The following TBCK variants were observed in gnomAD, a reference collection of about 807,000 sequenced individuals.
The protein encoded by TBCK is TBC domain-containing protein kinase-like protein.
Under a neutral mutation model 113.4 loss-of-function variants are expected in TBCK, and 99 were observed. The observed-to-expected ratio is 0.87, with a 90% confidence interval of 0.74 to 1.03. The LOEUF (loss-of-function observed/expected upper bound fraction) is 1.03, where lower values mean the gene tolerates loss of function less well. Among genes scored for constraint, TBCK ranks in the 50% least tolerant of loss-of-function variants. The probability of loss-of-function intolerance (pLI) is 0.00; values close to 1 mark genes in which losing one functional copy is unlikely to be tolerated. For missense variants in TBCK, 1,045 were observed against 1,061.3 expected, an observed-to-expected ratio of 0.98 and a Z score of 0.21; for synonymous variants, 369 against 370.8, an observed-to-expected ratio of 1.00 and a Z score of 0.05.
At chr4:106,054,907 G>A (rs557034593) in intron 25 of TBCK, among the ~76,000 whole-genome samples, 5 of 151,488 alleles carry the variant, frequency 3.3e-5, no homozygotes, top group African/African-American at 4.8e-5. Context: ...AGTTGAACAG[G>A]CAAGATGATT....
At chr4:106,074,346 A>G (rs1439441745) in intron 25 of TBCK, among the ~76,000 whole-genome samples, 1 of 152,216 alleles carries the variant, frequency 6.6e-6, no homozygotes, top group Non-Finnish European at 1.5e-5. Context: ...ATCATCATAC[A>G]TAAGATAAAA....
chr4:106,218,063 C>T (rs1235313578), intron 19 of TBCK, among the ~76,000 whole-genome samples: 325 of 144,828 alleles, frequency 2.2e-3, no homozygotes, highest in African/African-American at 8.2e-3. Context: ...GAAATAACGC[C>T]GCATATCTAC....
intron 18 of TBCK, 120 bp from the exon 19 acceptor site, chr4:106,230,566 C>A (rs1758749569): frequency 4.4e-6 from 2 of 454,402 alleles, no homozygotes; most frequent in African/African-American, 2.0e-5. Flanking sequence ...TTATGATAGC[C>A]AAGTGCTAGA....
At chr4:106,117,159 T>C (rs978362168) in intron 23 of TBCK, among the ~76,000 whole-genome samples, 1 of 152,158 alleles carries the variant, frequency 6.6e-6, no homozygotes, top group South Asian at 2.1e-4. Flanking sequence ...GTCAAACATG[T>C]AGAAAGAGAT....
intron 23 of TBCK, among the ~76,000 whole-genome samples, chr4:106,125,582 T>TG (rs1169951358): frequency 5.9e-5 from 9 of 152,166 alleles, no homozygotes; most frequent in African/African-American, 2.2e-4. Context: ...GAGGTCATCA[T>TG]GTTAAGTGAA....
At chr4:106,210,461 T>A (rs1362420804) in intron 20 of TBCK, among the ~76,000 whole-genome samples, 1 of 152,146 alleles carries the variant, frequency 6.6e-6, no homozygotes, top group African/African-American at 2.4e-5. Context: ...AAAACAGTAA[T>A]AGGCTAACTT....
chr4:106,084,382 T>C (rs1739257106), intron 25 of TBCK, among the ~76,000 whole-genome samples: 1 of 151,432 alleles, frequency 6.6e-6, no homozygotes, highest in Admixed American at 6.6e-5. Flanking sequence ...GAGACAAGTA[T>C]AGAGAAAAAA....
At chr4:106,094,407 T>G (rs1740680089) in intron 25 of TBCK, among the ~76,000 whole-genome samples, 1 of 152,174 alleles carries the variant, frequency 6.6e-6, no homozygotes, top group African/African-American at 2.4e-5. Flanking sequence ...TTTATTTCCT[T>G]TTTTGGTCTC....
At chr4:106,112,866 A>G (rs1393759240) in intron 24 of TBCK, among the ~76,000 whole-genome samples, 1 of 152,158 alleles carries the variant, frequency 6.6e-6, no homozygotes, top group East Asian at 1.9e-4. Context: ...TATCTGAACA[A>G]TTTCAACTTA....
chr4:106,292,249 A>G (rs1188208989), intron 3 of TBCK, among the ~76,000 whole-genome samples: 1 of 152,090 alleles, frequency 6.6e-6, no homozygotes, highest in Non-Finnish European at 1.5e-5. Flanking sequence ...GTTTTGCAGG[A>G]TATGATTAAA....
intron 22 of TBCK, among the ~76,000 whole-genome samples, chr4:106,175,434 T>G (rs1751549214): frequency 6.6e-6 from 1 of 151,586 alleles, no homozygotes; most frequent in African/African-American, 2.4e-5. Context: ...GGGGACATGG[T>G]TATTTTGTTA....
intron 23 of TBCK, among the ~76,000 whole-genome samples, chr4:106,143,455 T>C (rs1560712666): frequency 6.6e-6 from 1 of 152,182 alleles, no homozygotes; most frequent in Non-Finnish European, 1.5e-5. Flanking sequence ...TTCCCGAAGA[T>C]AATGTCACAA....
chr4:106,102,520 T>G (rs1247584943), intron 24 of TBCK, among the ~76,000 whole-genome samples: 1 of 152,118 alleles, frequency 6.6e-6, no homozygotes, highest in Non-Finnish European at 1.5e-5. Flanking sequence ...AGACAGCTTA[T>G]TTTGCCTGTG....
intron 23 of TBCK, among the ~76,000 whole-genome samples, chr4:106,151,924 A>C (rs80112814): frequency 0.14 from 21,486 of 151,976 alleles, 1,713 homozygotes; most frequent in South Asian, 0.25. Context: ...TGATTTTTAT[A>C]TATGTTGCTT....
chr4:106,080,830 A>T (rs577605631), intron 25 of TBCK, among the ~76,000 whole-genome samples: 8 of 129,674 alleles, frequency 6.2e-5, no homozygotes, highest in South Asian at 2.3e-4. Flanking sequence ...ATTCACAATT[A>T]AAAAAAAACC....
At chr4:106,054,375 T>G (rs1735156484) in intron 25 of TBCK, among the ~76,000 whole-genome samples, 1 of 151,710 alleles carries the variant, frequency 6.6e-6, no homozygotes, top group Non-Finnish European at 1.5e-5. Context: ...TCTTAAAATA[T>G]GAGTCGGATG....
intron 24 of TBCK, among the ~76,000 whole-genome samples, chr4:106,113,063 C>T (rs985895160): frequency 6.6e-6 from 1 of 152,228 alleles, no homozygotes; most frequent in African/African-American, 2.4e-5. Flanking sequence ...TAACAATTCT[C>T]AATTAGCGCT....
intron 22 of TBCK, among the ~76,000 whole-genome samples, chr4:106,190,200 C>A (rs1753505297): frequency 6.6e-6 from 1 of 152,068 alleles, no homozygotes; most frequent in Non-Finnish European, 1.5e-5. Context: ...CTTACAGTAA[C>A]CCTATTTAAT....
rs908939661 is a variant in TBCK at position 106,116,225 on chromosome 4, C to T, written c.2389G>A (p.Val797Ile). 1 of 1,613,978 alleles carries T rather than the reference C, an allele frequency of 6.2e-7. No individual in the cohort carries two copies. Among genetic ancestry groups the T allele is most frequent in the Middle Eastern group, 1.6e-4 (1 of 6,062 alleles). Residue 797 changes from valine to isoleucine, a missense_variant, in exon 24 of 26, where the codon GTT becomes ATT. Physicochemically the swap from Val to Ile is conservative, Grantham distance 29 (BLOSUM62 3). Transcript: ENST00000394708. The stretch of plus-strand genomic sequence containing the variant: ...TACTCTTCACTATTCCGGATGTCAA[C>T]CACCAGGAGCTTTGGTTTACTGGAC... ...TKSSKPKLLV[V>I]DIRNSEDFIR... is the part of the protein sequence containing the mutation.
Sources: allele counts gnomAD v4.1 joint callset (sites outside exome capture counted in the v4.1 genomes callset), GRCh38; gene constraint gnomAD v4.1.1; transcripts MANE v1.5; gene names NCBI Gene and HGNC (gene_info 2026-07-23, HGNC 2026-07-21).